The following HDAC9 variants were observed in gnomAD, a reference collection of about 807,000 sequenced individuals.
HDAC9 encodes the protein MEF-2 interacting transcription repressor (MITR) protein.
In HDAC9, 41 loss-of-function variants were observed where a neutral mutation model predicts 139.4. The observed-to-expected ratio is 0.29, with a 90% CI of 0.23 to 0.38. The LOEUF (loss-of-function observed/expected upper bound fraction) is 0.38. HDAC9 is among the 10% of genes least tolerant of loss of function. The pLI is 1.00. For synonymous variants in HDAC9, 517 were observed against 476.2 expected (o/e 1.09, Z -1.12); for missense variants, 1,147 against 1,297.0 (o/e 0.88, Z 1.78).
intron 11 of HDAC9, among the ~76,000 whole-genome samples, chr7:18,659,403 G>A (rs959641126): frequency 4.6e-5 from 7 of 152,216 alleles, no homozygotes; most frequent in Admixed American, 4.6e-4. Flanking sequence ...TGAAATTAAG[G>A]AGTTTGCTAT....
chr7:18,732,932 T>TGTGTATACACACGTGTATGTGTGC (rs1491365782), intron 13 of HDAC9, among the ~76,000 whole-genome samples: 7 of 93,396 alleles, frequency 7.5e-5, no homozygotes, highest in Non-Finnish European at 6.9e-5. Flanking sequence ...CACGTGTGTA[T>TGTGTATACACACGTGTATGTGTGC]GTATGTGTAT....
chr7:18,209,769 T>C (rs938903846), intron 2 of HDAC9, among the ~76,000 whole-genome samples: 1 of 152,006 alleles, frequency 6.6e-6, no homozygotes, highest in African/African-American at 2.4e-5. Flanking sequence ...GGTGTGATCT[T>C]GGCTCACTGT....
intron 1 of HDAC9, among the ~76,000 whole-genome samples, chr7:18,332,294 C>T (rs1374538811): frequency 6.6e-6 from 1 of 151,492 alleles, no homozygotes; most frequent in Non-Finnish European, 1.5e-5. Flanking sequence ...GAGCCTTCCT[C>T]ATTCCACCTC....
intron 17 of HDAC9, among the ~76,000 whole-genome samples, chr7:18,807,337 T>A (rs952753786): frequency 6.6e-6 from 1 of 152,182 alleles, no homozygotes; most frequent in Non-Finnish European, 1.5e-5. Context: ...TATCTTTTTT[T>A]ATTAGTTAAT....
rs377513767 is a variant in HDAC9, at chr7:19,000,284, C to T, written c.*4222C>T. On this transcript the variant is annotated 3_prime_UTR_variant, in exon 26 of 26. Coordinates refer to ENST00000686413, the MANE Select transcript of HDAC9 (RefSeq NM_178425.4). ...AAAGTATTATAATGTATCTTGTCAC[C>T]TTCATCAACACCACCATTAAATATG... 1 of 152,264 alleles carries T rather than the reference C, an allele frequency of 6.6e-6. No homozygotes were observed. Among genetic ancestry groups the T allele is most frequent in the African/African-American group, 2.4e-5 (1 of 41,548 alleles). The allele number at this position is 152,264 out of a possible 1,614,324, so 9.4% of individuals were successfully genotyped here.
intron 13 of HDAC9, among the ~76,000 whole-genome samples, chr7:18,732,758 C>CACACGT (rs1554339310): frequency 8.1e-5 from 5 of 61,580 alleles, no homozygotes; most frequent in African/African-American, 4.8e-4. Context: ...TGTACACACA[C>CACACGT]GTGTATGTGT....
intron 1 of HDAC9, among the ~76,000 whole-genome samples, chr7:18,362,021 G>A (rs909389359): frequency 1.8e-4 from 27 of 152,208 alleles, no homozygotes; most frequent in African/African-American, 6.3e-4. Flanking sequence ...CTAACTTACT[G>A]CTTTCCCTGC....
chr7:18,977,369 A>G (rs1427009667), intron 25 of HDAC9, among the ~76,000 whole-genome samples: 1 of 152,204 alleles, frequency 6.6e-6, no homozygotes, highest in South Asian at 2.1e-4. Context: ...GAGCATAGCT[A>G]TTCTTTAGAA....
intron 2 of HDAC9, among the ~76,000 whole-genome samples, chr7:18,567,683 T>C (rs753605736): frequency 1.3e-4 from 20 of 152,128 alleles, no homozygotes; most frequent in Non-Finnish European, 2.8e-4. Context: ...TGGGTAAATA[T>C]TTTTCCCATA....
chr7:18,454,300 T>A (rs1264451250), intron 1 of HDAC9, among the ~76,000 whole-genome samples: 2 of 152,112 alleles, frequency 1.3e-5, no homozygotes, highest in African/African-American at 4.8e-5. Context: ...AATTTTGAGA[T>A]TAAAACTCTA....
intron 16 of HDAC9, among the ~76,000 whole-genome samples, chr7:18,769,966 A>AGAATT (rs1790150887): frequency 6.6e-6 from 1 of 152,170 alleles, no homozygotes; most frequent in Admixed American, 6.5e-5. Context: ...AGTAAACGCC[A>AGAATT]GTTCCTTAGA....
intron 12 of HDAC9, among the ~76,000 whole-genome samples, chr7:18,701,416 CAAA>C (rs546101451): frequency 6.2e-5 from 4 of 64,828 alleles, no homozygotes; most frequent in Non-Finnish European, 1.2e-4. Flanking sequence ...ACAAAACAAA[CAAA>C]AAAAAAAAAC....
intron 15 of HDAC9, among the ~76,000 whole-genome samples, chr7:18,763,346 G>A (rs1432978177): frequency 1.3e-5 from 2 of 152,204 alleles, no homozygotes; most frequent in Non-Finnish European, 2.9e-5. Context: ...GCATATGAGT[G>A]AGCATAAATA....
At chr7:18,445,007 T>C (rs1428519318) in intron 1 of HDAC9, among the ~76,000 whole-genome samples, 1 of 152,214 alleles carries the variant, frequency 6.6e-6, no homozygotes, top group Non-Finnish European at 1.5e-5. Flanking sequence ...CATGTGAGTT[T>C]CTCAAATTAT....
chr7:18,629,418 T>C lies in HDAC9; in HGVS notation c.733T>C (p.Leu245=). 2 of 1,612,282 alleles carry C rather than the reference T, an allele frequency of 1.2e-6. No homozygotes were observed. The highest frequency in any genetic ancestry group is 1.7e-6 in the Non-Finnish European group (2 of 1,179,134). The change falls in exon 7 of 26, where the codon TTA becomes CTA. Residue 245 remains leucine (L), a synonymous_variant. Transcript: ENST00000686413. ...AGTGGCAGAGAGGAGAAGCAGCCCC[T>C]TACTCAGGCGGAAGGATGGAAATGT... ...QKVAERRSSP[L]LRRKDGNVVT...
chr7:18,311,452 A>G (rs1799313176), intron 1 of HDAC9, among the ~76,000 whole-genome samples: 3 of 152,116 alleles, frequency 2.0e-5, no homozygotes. Context: ...GATTCAGAAA[A>G]TTGATTTCAT....
chr7:18,166,574 G>A (rs994455696), intron 2 of HDAC9, among the ~76,000 whole-genome samples: 1 of 152,114 alleles, frequency 6.6e-6, no homozygotes, highest in African/African-American at 2.4e-5. Flanking sequence ...ATGCTAAGTA[G>A]TATAAACAAT....
In HDAC9 at chr7:18,874,561, C is replaced by T. The variant is rs748435062; in HGVS notation, c.2768C>T (p.Thr923Ile). ...SAGFDALEGH[T>I]PPLGGYKVTA... ...GGATTTGATGCATTGGAAGGCCACA[C>T]CCCTCCTCTAGGAGGGTACAAAGTG... is the stretch of plus-strand genomic sequence containing the variant. The change falls in exon 22 of 26, where the codon ACC (threonine) becomes ATC (isoleucine). Residue 923 changes from threonine to isoleucine, a missense_variant. Thr to Ile is a moderately conservative substitution (Grantham distance 89). Coordinates refer to ENST00000686413, the MANE Select transcript of HDAC9 (RefSeq NM_178425.4). 1.3e-5 allele frequency: 21 copies of T among 1,593,270 alleles called. No individual in the cohort carries two copies. The highest frequency in any genetic ancestry group is 1.7e-5 in the Non-Finnish European group (20 of 1,168,704).
intron 25 of HDAC9, among the ~76,000 whole-genome samples, chr7:18,990,830 C>T (rs751744567): frequency 6.6e-6 from 1 of 152,180 alleles, no homozygotes; most frequent in Admixed American, 6.5e-5. Flanking sequence ...GTCTGTCACC[C>T]CTTTGACTAG....
Sources: allele counts gnomAD v4.1 joint callset (sites outside exome capture counted in the v4.1 genomes callset), GRCh38; gene constraint gnomAD v4.1.1; transcripts MANE v1.5; gene names NCBI Gene and HGNC (gene_info 2026-07-23, HGNC 2026-07-21).